ADAM12: variants seen among roughly 807,000 people sequenced by gnomAD.
The protein encoded by ADAM12 is disintegrin and metalloproteinase domain-containing protein 12.
In ADAM12, 70 loss-of-function variants were observed where a neutral mutation model predicts 106.4. That is an observed-to-expected ratio of 0.66 (90% CI 0.54 to 0.80). The LOEUF is 0.80. Among genes scored for constraint, ADAM12 ranks in the 30% least tolerant of loss-of-function variants. The pLI is 0.00. For missense variants in ADAM12, 1,010 were observed against 1,171.9 expected, an observed-to-expected ratio of 0.86 and a Z score of 2.02; for synonymous variants, 420 against 433.5, an observed-to-expected ratio of 0.97 and a Z score of 0.39.
intron 2 of ADAM12, among the ~76,000 whole-genome samples, chr10:126,303,719 T>C (rs143728696): frequency 8.8e-4 from 134 of 152,322 alleles, no homozygotes; most frequent in African/African-American, 2.8e-3. Context: ...AGATTAACCC[T>C]GCATAGCAAA....
intron 3 of ADAM12, among the ~76,000 whole-genome samples, chr10:126,236,095 G>A (rs539675759): frequency 3.3e-5 from 5 of 152,344 alleles, no homozygotes; most frequent in South Asian, 4.1e-4. Context: ...CCACCAGCGC[G>A]GAAGGAGGAA....
At chr10:126,092,398 A>G (rs920737959) in intron 11 of ADAM12, among the ~76,000 whole-genome samples, 3 of 152,196 alleles carry the variant, frequency 2.0e-5, no homozygotes, top group Non-Finnish European at 2.9e-5. Context: ...AATGTTGGAA[A>G]CAGAAGGCAT....
intron 18 of ADAM12, among the ~76,000 whole-genome samples, chr10:126,039,754 G>A (rs1468144397): frequency 6.6e-6 from 1 of 152,198 alleles, no homozygotes; most frequent in African/African-American, 2.4e-5. Flanking sequence ...AAGGTAGCAG[G>A]GAGCCATCAC....
At chr10:126,294,166 T>C (rs1286156941) in intron 2 of ADAM12, among the ~76,000 whole-genome samples, 1 of 152,220 alleles carries the variant, frequency 6.6e-6, no homozygotes, top group Non-Finnish European at 1.5e-5. Context: ...CTGTGCTAAG[T>C]ACGGGCTGTC....
chr10:126,054,916 C>G (rs1710289), intron 14 of ADAM12, among the ~76,000 whole-genome samples: 85,125 of 151,862 alleles, frequency 0.56, 24,157 homozygotes, highest in Admixed American at 0.64. Flanking sequence ...GCTCGCATCA[C>G]TTACCACACC....
chr10:126,107,517 G>A (rs773950505), intron 8 of ADAM12, among the ~76,000 whole-genome samples: 1 of 152,138 alleles, frequency 6.6e-6, no homozygotes, highest in Non-Finnish European at 1.5e-5. Flanking sequence ...AATTCAAATC[G>A]AATAAGATTG....
At chr10:126,038,647 A>G (rs189432836) in intron 19 of ADAM12, among the ~76,000 whole-genome samples, 200 of 152,338 alleles carry the variant, frequency 1.3e-3, no homozygotes, top group African/African-American at 4.6e-3. Flanking sequence ...CTTTGAATAT[A>G]TTTGGATCAA....
intron 21 of ADAM12, among the ~76,000 whole-genome samples, chr10:126,020,304 T>G (rs1220469269): frequency 6.6e-6 from 1 of 152,218 alleles, no homozygotes; most frequent in Non-Finnish European, 1.5e-5. Context: ...GCAGGCGCTG[T>G]TCCACATGTT....
At chr10:126,287,450 C>T (rs1050833668) in intron 2 of ADAM12, among the ~76,000 whole-genome samples, 13 of 152,144 alleles carry the variant, frequency 8.5e-5, no homozygotes, top group East Asian at 1.9e-4. Flanking sequence ...CCCTGATCCA[C>T]GACAGAGGGG....
At chr10:126,162,397 G>A (rs966078566) in intron 3 of ADAM12, among the ~76,000 whole-genome samples, 2 of 152,198 alleles carry the variant, frequency 1.3e-5, no homozygotes, top group African/African-American at 2.4e-5. Context: ...CGCGCAGAGG[G>A]GAGGGGAAAT....
chr10:126,222,006 A>G (rs1489486173), intron 3 of ADAM12, among the ~76,000 whole-genome samples: 1 of 152,166 alleles, frequency 6.6e-6, no homozygotes, highest in African/African-American at 2.4e-5. Context: ...TGTCCATCAG[A>G]AGTCCCCCTC....
At position 126,017,036 on chromosome 10, in the gene ADAM12, T is replaced by A. The variant is rs1238923935; in HGVS notation, c.*243A>T. On this transcript the variant is annotated 3_prime_UTR_variant, in exon 23 of 23. Transcript: ENST00000448723. Reference sequence around the variant, plus strand: ...ATGGAAAACTCAGTGATGGTAAAAATGCCTACTACAGCGCACTGCACTGTA... The same window carrying A: ...ATGGAAAACTCAGTGATGGTAAAAAAGCCTACTACAGCGCACTGCACTGTA... 8.0e-6 allele frequency: 3 copies of A among 375,770 alleles called. No individual in the cohort carries two copies. Among genetic ancestry groups the A allele is most frequent in the African/African-American group, 4.2e-5 (2 of 47,928 alleles). The allele number at this position is 375,770 out of a possible 1,614,324, so 23.3% of individuals were successfully genotyped here. A position where few individuals can be genotyped will look rare whatever the true frequency, so the allele number is the denominator to read the frequency against.
At chr10:126,274,110 T>G (rs1190720691) in intron 3 of ADAM12, among the ~76,000 whole-genome samples, 1 of 152,172 alleles carries the variant, frequency 6.6e-6, no homozygotes, top group African/African-American at 2.4e-5. Flanking sequence ...GACTCCATCA[T>G]CCACTCATTT....
chr10:126,074,599 A>T (rs1955062412), intron 11 of ADAM12, among the ~76,000 whole-genome samples: 1 of 152,126 alleles, frequency 6.6e-6, no homozygotes, highest in South Asian at 2.1e-4. Context: ...CTGTGTAATA[A>T]TCTATTTCTA....
intron 4 of ADAM12, among the ~76,000 whole-genome samples, chr10:126,151,863 C>G (rs1021782521): frequency 6.6e-6 from 1 of 151,882 alleles, no homozygotes; most frequent in Non-Finnish European, 1.5e-5. Context: ...TAAAAAATCT[C>G]TGAATAAAAA....
At chr10:126,027,597 A>G (rs1356548706) in intron 21 of ADAM12, among the ~76,000 whole-genome samples, 1 of 152,240 alleles carries the variant, frequency 6.6e-6, no homozygotes, top group Non-Finnish European at 1.5e-5. Flanking sequence ...CATCACATAA[A>G]CAGAACTAGA....
At chr10:126,082,361 C>CTTTTTTTTT (rs1955236644) in intron 11 of ADAM12, among the ~76,000 whole-genome samples, 1 of 50,030 alleles carries the variant, frequency 2.0e-5, no homozygotes, top group African/African-American at 9.0e-5. Flanking sequence ...AATCTAATGA[C>CTTTTTTTTT]TGTTTTTTTT....
rs1321458705 is a variant in ADAM12 at position 126,113,724 on chromosome 10, ATATAT to A, written c.604-3889_604-3885del. ...TATATATATATATATATATATATAT[ATATAT>A]ATAATATATTGCTCTGGCTACTGGA... On this transcript the variant is annotated intron_variant, in intron 6 of 22. Coordinates refer to ENST00000448723, the MANE Select transcript of ADAM12 (RefSeq NM_001288973.2). 6.6e-3 allele frequency among the ~76,000 whole-genome samples: 270 copies of A among 40,754 alleles called. 10 individuals are homozygous for A. The East Asian group carries it at 0.094, about 14-fold the overall frequency. The allele number at this position is 40,754 out of a possible 152,430, so 26.7% of individuals were successfully genotyped here.
chr10:126,297,238 A>T (rs1307193431), intron 2 of ADAM12, among the ~76,000 whole-genome samples: 1 of 152,176 alleles, frequency 6.6e-6, no homozygotes, highest in Non-Finnish European at 1.5e-5. Flanking sequence ...CACCTCTTCT[A>T]TGTCCAACTC....
Sources: gnomAD v4.1 joint callset for allele counts (sites outside exome capture counted in the v4.1 genomes callset) on GRCh38, gnomAD v4.1.1 for gene constraint, MANE v1.5 for transcripts, NCBI Gene and HGNC (gene_info 2026-07-23, HGNC 2026-07-21) for gene names.